MED19: variants seen among roughly 807,000 people sequenced by gnomAD.
MED19 encodes mediator complex subunit 19.
MED19 carries 4 observed loss-of-function variants against 19.9 expected under a neutral mutation model. The observed-to-expected ratio is 0.20, with a 90% confidence interval of 0.10 to 0.46. The LOEUF (loss-of-function observed/expected upper bound fraction) is 0.46. MED19 is among the 20% of genes least tolerant of loss of function. The pLI, the probability that MED19 is intolerant of heterozygous loss-of-function variation, is 0.99. For missense variants in MED19, 303 were observed against 318.7 expected, an observed-to-expected ratio of 0.95 and a Z score of 0.38; for synonymous variants, 139 against 119.6, an observed-to-expected ratio of 1.16 and a Z score of -1.06.
At chr11:57,703,951 C>A in exon 5 of MED19, 1 of 1,506,140 alleles carries the variant, frequency 6.6e-7, no homozygotes. Context: ...GCTCCCAAGG[C>A]AGTGTCCAAG....
chr11:57,710,172 C>T (rs1188454712), intron 1 of MED19, among the ~76,000 whole-genome samples: 1 of 152,106 alleles, frequency 6.6e-6, no homozygotes, highest in African/African-American at 2.4e-5. Flanking sequence ...GACCAGCTTG[C>T]GCAACACAGT....
At chr11:57,707,658 T>A (rs565937541) in intron 1 of MED19, among the ~76,000 whole-genome samples, 1 of 152,120 alleles carries the variant, frequency 6.6e-6, no homozygotes, top group Non-Finnish European at 1.5e-5. Flanking sequence ...TCTCTCCTCA[T>A]AACTCTGGGC....
rs938272839 is a variant in MED19 at position 57,709,972 on chromosome 11, A to C, written c.217+1991T>G. Reference sequence around the variant, plus strand: ...AACCATTATCTTTCCTGGACTACTGAGCAGTAACTTCTGACTAATTTCCCC... The same window carrying C: ...AACCATTATCTTTCCTGGACTACTGCGCAGTAACTTCTGACTAATTTCCCC... On this transcript the variant is annotated intron_variant, in intron 1 of 4. Coordinates refer to ENST00000431606, the Ensembl canonical transcript of MED19. Among the ~76,000 whole-genome samples the C allele has an allele frequency of 2.0e-5, 3 of 152,206 alleles. No individual in the cohort carries two copies. In the South Asian group the frequency reaches 6.2e-4, roughly 31 times the overall value.
At chr11:57,711,904 C>A in intron 1 of MED19, 59 bp downstream of exon 1, 1 of 1,379,136 alleles carries the variant, frequency 7.3e-7, no homozygotes, top group South Asian at 1.7e-5. Flanking sequence ...CTGAGAGCCA[C>A]GCCCATCACC....
chr11:57,710,179 C>A (rs1482690898), intron 1 of MED19, among the ~76,000 whole-genome samples: 1 of 152,114 alleles, frequency 6.6e-6, no homozygotes, highest in African/African-American at 2.4e-5. Flanking sequence ...TTGCGCAACA[C>A]AGTAAGACCC....
chr11:57,704,669 G>GGTTTT, intron 3 of MED19, 50 bp downstream of exon 3: 5 of 1,286,320 alleles, frequency 3.9e-6, no homozygotes, highest in Non-Finnish European at 5.1e-6. Flanking sequence ...AGAAGGTCAG[G>GGTTTT]TTTTTTTTTT....
chr11:57,708,298 C>G (rs770558515), intron 1 of MED19, among the ~76,000 whole-genome samples: 3 of 152,122 alleles, frequency 2.0e-5, no homozygotes, highest in Non-Finnish European at 2.9e-5. Flanking sequence ...GGAGAAAGCT[C>G]AAATTCCTTT....
chr11:57,704,067 G>T, exon 5 of MED19: 2 of 1,536,134 alleles, frequency 1.3e-6, no homozygotes, highest in Non-Finnish European at 8.7e-7. Flanking sequence ...CTGCTGGCCT[G>T]GGAGCTGCCC....
At chr11:57,705,379 C>G in intron 1 of MED19, 150 bp from the exon 2 acceptor site, 2 of 948,430 alleles carry the variant, frequency 2.1e-6, no homozygotes, top group Non-Finnish European at 3.0e-6. Flanking sequence ...AGGCCGGATG[C>G]AGTGGCTCAT....
intron 1 of MED19, among the ~76,000 whole-genome samples, chr11:57,708,152 T>A (rs1469097449): frequency 1.3e-5 from 2 of 151,756 alleles, no homozygotes; most frequent in African/African-American, 2.4e-5. Flanking sequence ...AAAAAAAAAA[T>A]TGTTTTGAAA....
rs749217919 is a variant in MED19 at position 57,711,982 on chromosome 11, G to A, written c.198C>T (p.Tyr66=). ...ACTCACCTGGCAGTTCCCTCATGAG[G>A]TAAAAAGGGCCACAGCCAGCTCCTG... is the stretch of plus-strand genomic sequence containing the variant. The change falls in exon 1 of 5, where the codon TAC becomes TAT. Residue 66 remains tyrosine (Y), a synonymous_variant. Coordinates refer to ENST00000431606, the Ensembl canonical transcript of MED19. 35 of 1,486,206 alleles carry A rather than the reference G, an allele frequency of 2.4e-5. No homozygotes were observed. In the South Asian group the frequency reaches 4.1e-4, roughly 17 times the overall value. 92.1% of individuals were successfully genotyped at this position (1,486,206 alleles called of 1,614,324 possible).
chr11:57,706,775 AGTC>A (rs906801208), intron 1 of MED19, among the ~76,000 whole-genome samples: 9 of 152,204 alleles, frequency 5.9e-5, no homozygotes, highest in Admixed American at 4.6e-4. Context: ...CAAAAAAACA[AGTC>A]AGGCAACTAG....
intron 1 of MED19, among the ~76,000 whole-genome samples, chr11:57,708,138 A>T (rs1015248959): frequency 7.3e-6 from 1 of 136,736 alleles, no homozygotes; most frequent in Non-Finnish European, 1.5e-5. Context: ...CCAACAAGAT[A>T]AAAAAAAAAA....
intron 4 of MED19, 85 bp downstream of exon 4, chr11:57,704,216 CT>C: frequency 1.3e-6 from 2 of 1,525,846 alleles, no homozygotes; most frequent in Non-Finnish European, 1.8e-6. Flanking sequence ...TTGGGTCCAA[CT>C]TGAGGCAAAG....
intron 1 of MED19, 63 bp downstream of exon 1, chr11:57,711,900 G>A: frequency 7.3e-7 from 1 of 1,378,668 alleles, no homozygotes; most frequent in Middle Eastern, 2.1e-4. Flanking sequence ...CCGGCTGAGA[G>A]CCACGCCCAT....
intron 3 of MED19, 91 bp downstream of exon 3, chr11:57,704,628 G>T (rs1946484880): frequency 6.2e-7 from 1 of 1,606,072 alleles, no homozygotes; most frequent in African/African-American, 1.4e-5. Context: ...GAACTTAACT[G>T]GGTTTACCTA....
At position 57,712,057 on chromosome 11, in the gene MED19, G is replaced by T. The variant is rs1229810591; in HGVS notation, c.123C>A (p.Gly41=). The T allele has an allele frequency of 3.9e-6, 6 of 1,533,188 alleles. No homozygotes were observed. In the African/African-American group the frequency reaches 8.3e-5, roughly 21 times the overall value. The allele number at this position is 1,533,188 out of a possible 1,614,324, so 95.0% of individuals were successfully genotyped here. The change falls in exon 1 of 5, where the codon GGC becomes GGA. Residue 41 remains glycine (G), a synonymous_variant. Coordinates refer to ENST00000431606, the Ensembl canonical transcript of MED19. The stretch of plus-strand genomic sequence containing the variant: ...TGGCCGCGGTGGGAGGCGGGGCCGT[G>T]CCGGGTCCCCCGCCCGCAGGAGGCG...
chr11:57,704,597 A>G (rs748917569), intron 3 of MED19, 122 bp downstream of exon 3: 67 of 1,591,312 alleles, frequency 4.2e-5, no homozygotes, highest in Non-Finnish European at 5.7e-5. Context: ...AGGGGAATTT[A>G]GGAGTCCAGA....
At chr11:57,706,407 T>C (rs1946508455) in intron 1 of MED19, among the ~76,000 whole-genome samples, 1 of 150,666 alleles carries the variant, frequency 6.6e-6, no homozygotes, top group African/African-American at 2.4e-5. Flanking sequence ...GCCGCCTCGG[T>C]TTTCCAAAGT....
Sources: gnomAD v4.1 joint callset for allele counts (sites outside exome capture counted in the v4.1 genomes callset) on GRCh38, gnomAD v4.1.1 for gene constraint, MANE v1.5 for transcripts, NCBI Gene and HGNC (gene_info 2026-07-23, HGNC 2026-07-21) for gene names.